HMCN2: variants seen among roughly 807,000 people sequenced by gnomAD.
HMCN2 encodes the protein hemicentin-2.
HMCN2 carries 325 observed loss-of-function variants against 377.5 expected under a neutral mutation model. That is an observed-to-expected ratio of 0.86 (90% CI 0.79 to 0.94). The LOEUF (loss-of-function observed/expected upper bound fraction) is 0.94. HMCN2 is among the 40% of genes least tolerant of loss of function. HMCN2 has a pLI of 0.00. For missense variants in HMCN2, 4,543 were observed against 4,725.3 expected, an observed-to-expected ratio of 0.96 and a Z score of 1.13; for synonymous variants, 2,007 against 2,046.8, an observed-to-expected ratio of 0.98 and a Z score of 0.53.
intron 12 of HMCN2, 104 bp from the exon 13 acceptor site, chr9:130,306,707 A>T: frequency 2.4e-6 from 1 of 409,348 alleles, no homozygotes; most frequent in Non-Finnish European, 5.2e-6. Flanking sequence ...AGCCATCAGT[A>T]CAGAATGGTC....
At chr9:130,363,155 C>T (rs1286814632) in intron 40 of HMCN2, among the ~76,000 whole-genome samples, 165 bp downstream of exon 40, 1 of 127,772 alleles carries the variant, frequency 7.8e-6, no homozygotes, top group Non-Finnish European at 1.6e-5. Flanking sequence ...GAGACCTGCC[C>T]TAGAGTATGA....
At chr9:130,398,055 A>T (rs1254781022) in intron 74 of HMCN2, among the ~76,000 whole-genome samples, 2 of 134,686 alleles carry the variant, frequency 1.5e-5, no homozygotes, top group Admixed American at 1.7e-4. Context: ...TGGGAGGCTG[A>T]GGTGGGAGGA....
At chr9:130,389,968 C>T (rs376220610) in intron 62 of HMCN2, among the ~76,000 whole-genome samples, 2 of 152,352 alleles carry the variant, frequency 1.3e-5, no homozygotes, top group South Asian at 2.1e-4. Flanking sequence ...GTTGTGCATC[C>T]ACTGGTCAGT....
In HMCN2 at chr9:130,429,331, C is replaced by G. The variant is rs1844590512; in HGVS notation, c.14198-226C>G. ...TCAGCGGAACCCAGGACTCTGCCCA[C>G]AAAGGGCCTTTCAGCCCCTTCCTTT... On this transcript the variant is annotated intron_variant, in intron 93 of 97. Coordinates refer to ENST00000683500, the MANE Select transcript of HMCN2 (RefSeq NM_001291815.2). 1.5e-5 allele frequency: 9 copies of G among 589,740 alleles called. No homozygotes were observed. In the South Asian group the frequency reaches 1.9e-4, roughly 12 times the overall value. The allele number at this position is 589,740 out of a possible 1,614,324, so 36.5% of individuals were successfully genotyped here.
In HMCN2 at chr9:130,382,313, TGCAGGTGGGGATTCC is replaced by T; in HGVS notation, c.8545+17_8545+31del. On this transcript the variant is annotated intron_variant, in intron 55 of 97. Coordinates refer to ENST00000683500, the MANE Select transcript of HMCN2 (RefSeq NM_001291815.2). ...CTGGTGCTGAGTGAGTGGCGGGGCC[TGCAGGTGGGGATTCC>T]CGGGACTGCAAGCGCCGTAAGGGCC... is the stretch of plus-strand genomic sequence containing the variant. The T allele has an allele frequency of 1.0e-6, 1 of 979,700 alleles. No individual in the cohort carries two copies. The highest frequency in any genetic ancestry group is 1.2e-6 in the Non-Finnish European group (1 of 824,332). The allele number at this position is 979,700 out of a possible 1,614,324, so 60.7% of individuals were successfully genotyped here.
At chr9:130,400,693 C>A in intron 76 of HMCN2, 90 bp from the exon 77 acceptor site, 1 of 986,272 alleles carries the variant, frequency 1.0e-6, no homozygotes, top group Non-Finnish European at 1.3e-6. Flanking sequence ...TCACTGATGT[C>A]ACCTTGTGTA....
chr9:130,267,323 C>T (rs1319018973), intron 1 of HMCN2, among the ~76,000 whole-genome samples: 2 of 151,570 alleles, frequency 1.3e-5, no homozygotes, highest in Non-Finnish European at 2.9e-5. Flanking sequence ...CTATGCCCAC[C>T]GAGAGCCTCT....
intron 4 of HMCN2, among the ~76,000 whole-genome samples, chr9:130,291,796 G>A (rs1312706170): frequency 1.3e-5 from 2 of 152,188 alleles, no homozygotes; most frequent in Middle Eastern, 3.2e-3. Flanking sequence ...CATAGCCCAT[G>A]TTCAGATTTC....
At chr9:130,373,005 A>G (rs1490196480) in intron 47 of HMCN2, 33 bp from the exon 48 acceptor site, 1 of 9,596 alleles carries the variant, frequency 1.0e-4, no homozygotes, top group Admixed American at 9.7e-4. Context: ...CCCCCACCCC[A>G]TCACTAGCCA....
chr9:130,412,537 TTTTTC>T (rs796065683), intron 85 of HMCN2, among the ~76,000 whole-genome samples: 8 of 150,966 alleles, frequency 5.3e-5, no homozygotes, highest in African/African-American at 1.2e-4. Context: ...TAAGGTCGTC[TTTTTC>T]TTTTCTTTTC....
rs901341627 is a variant in HMCN2, at chr9:130,382,459, G to A, written c.8545+162G>A. ...AAAGAATCATGCAGGACTGGGCGCAGGTTCCAAGTCAGAAGCTTCCTAGCT... is the reference window on the plus strand; with the variant it reads ...AAAGAATCATGCAGGACTGGGCGCAAGTTCCAAGTCAGAAGCTTCCTAGCT... On this transcript the variant is annotated intron_variant, in intron 55 of 97. Transcript: ENST00000683500. Among the ~76,000 whole-genome samples the A allele has an allele frequency of 7.9e-5, 12 of 152,320 alleles. 1 individual carries two copies. The highest frequency in any genetic ancestry group is 2.6e-4 in the African/African-American group (11 of 41,568).
intron 25 of HMCN2, among the ~76,000 whole-genome samples, chr9:130,343,540 C>A (rs1839179285): frequency 6.6e-6 from 1 of 152,196 alleles, no homozygotes; most frequent in African/African-American, 2.4e-5. Context: ...CCCGACCCTC[C>A]CCGACCCAGG....
chr9:130,284,551 T>C (rs1835313361), intron 1 of HMCN2, 52 bp from the exon 2 acceptor site: 1 of 470,598 alleles, frequency 2.1e-6, no homozygotes, highest in Non-Finnish European at 4.4e-6. Flanking sequence ...CCCACCGGGC[T>C]GTGTGTCTAG....
intron 1 of HMCN2, among the ~76,000 whole-genome samples, chr9:130,278,256 C>T (rs1387669611): frequency 6.6e-6 from 1 of 152,114 alleles, no homozygotes; most frequent in Admixed American, 6.5e-5. Context: ...TCCCGAGTAG[C>T]TGGGACTACA....
At position 130,375,468 on chromosome 9, in the gene HMCN2, A is replaced by G. The variant is rs567586183; in HGVS notation, c.7631-95A>G. 1.2e-5 allele frequency: 8 copies of G among 645,382 alleles called. No homozygotes were observed. The South Asian group carries it at 5.6e-4, about 45-fold the overall frequency. 40.0% of individuals were successfully genotyped at this position (645,382 alleles called of 1,614,324 possible). Reference sequence around the variant, plus strand: ...TCTCTGTAATGTAACTGACAGAAGTACCGAGGCCAAGCACCGGGGTCTGAG... The same window carrying G: ...TCTCTGTAATGTAACTGACAGAAGTGCCGAGGCCAAGCACCGGGGTCTGAG... On this transcript the variant is annotated intron_variant, in intron 49 of 97. Coordinates refer to ENST00000683500, the MANE Select transcript of HMCN2 (RefSeq NM_001291815.2).
In HMCN2 at chr9:130,396,255, C is replaced by T; in HGVS notation, c.11140C>T (p.Pro3714Ser). 3 of 1,286,412 alleles carry T rather than the reference C, an allele frequency of 2.3e-6. No homozygotes were observed. Among genetic ancestry groups the T allele is most frequent in the East Asian group, 5.6e-5 (1 of 17,900 alleles). 79.7% of individuals were successfully genotyped at this position (1,286,412 alleles called of 1,614,324 possible). A position where few individuals can be genotyped will look rare whatever the true frequency, so the allele number is the denominator to read the frequency against. The change falls in exon 73 of 98, where the codon CCC becomes TCC. Residue 3714 changes from proline (P) to serine (S), a missense_variant. By Grantham distance (74) the Pro-to-Ser change is moderately conservative (BLOSUM62 -1). Transcript: ENST00000683500. ...GCTGCCTTGCCAGGCCGACGGCGTGCCCGCACCCCTCGTGAGCTGGCGGAA... is the reference window on the plus strand; with the variant it reads ...GCTGCCTTGCCAGGCCGACGGCGTGTCCGCACCCCTCGTGAGCTGGCGGAA... The part of the protein sequence containing the change: ...ALLPCQADGV[P>S]APLVSWRKDR...
Position 130,266,060 on chromosome 9 carries a change from C to G in HMCN2, c.182C>G (p.Ser61Trp). 1 of 470,864 alleles carries G rather than the reference C, an allele frequency of 2.1e-6. No individual in the cohort carries two copies. The highest frequency in any genetic ancestry group is 1.5e-5 in the South Asian group (1 of 64,574). 29.2% of individuals were successfully genotyped at this position (470,864 alleles called of 1,614,324 possible). ...DELMQVIDGA[S>W]RILERSLSRR... ...CTGATGCAGGTGATCGATGGCGCCT[C>G]GCGCATTCTGGAACGCAGTCTGAGC... The change falls in exon 1 of 98, where the codon TCG (serine) becomes TGG (tryptophan). Residue 61 changes from serine (S) to tryptophan (W), a missense_variant. Physicochemically the swap from Ser to Trp is radical, Grantham distance 177. Coordinates refer to ENST00000683500, the MANE Select transcript of HMCN2 (RefSeq NM_001291815.2).
Position 130,354,934 on chromosome 9 carries a change from GGA to G in HMCN2, c.5038_5039del (p.Ser1680CysfsTer44). ...AACGAGTCGCGGCTGGAGACAGACG[GGA>G]GTGTGCTGAGGCTGGAGAGCCCGGG... On this transcript the variant is annotated frameshift_variant, in exon 32 of 98. Coordinates refer to ENST00000683500, the MANE Select transcript of HMCN2 (RefSeq NM_001291815.2). LOFTEE classifies it high-confidence loss of function. The G allele has an allele frequency of 7.7e-7, 1 of 1,303,720 alleles. No individual in the cohort carries two copies. The highest frequency in any genetic ancestry group is 1.2e-5 in the South Asian group (1 of 81,022). 80.8% of individuals were successfully genotyped at this position (1,303,720 alleles called of 1,614,324 possible).
chr9:130,429,155 T>C (rs1844578321), intron 93 of HMCN2: 1 of 192,988 alleles, frequency 5.2e-6, no homozygotes, highest in Admixed American at 5.5e-5. Flanking sequence ...CTTTCCTCCT[T>C]TCTCACCACT....
Sources: allele counts gnomAD v4.1 joint callset (sites outside exome capture counted in the v4.1 genomes callset), GRCh38; gene constraint gnomAD v4.1.1; transcripts MANE v1.5; gene names NCBI Gene and HGNC (gene_info 2026-07-23, HGNC 2026-07-21).